The following TBC1D20 variants were observed in gnomAD, a reference collection of about 807,000 sequenced individuals.
TBC1D20 encodes the protein TBC1 domain family member 20, also known as chromosome 20 open reading frame 140.
A neutral mutation model predicts 41.6 loss-of-function variants in TBC1D20; 12 were observed. The ratio of observed to expected loss-of-function variants is 0.29; its 90% confidence interval spans 0.18 to 0.47. The LOEUF is 0.47. Among genes scored for constraint, TBC1D20 ranks in the 20% least tolerant of loss-of-function variants. The pLI, the probability that TBC1D20 is intolerant of heterozygous loss-of-function variation, is 1.00. For synonymous variants in TBC1D20, 205 were observed against 204.8 expected, an observed-to-expected ratio of 1.00 and a Z score of -0.01; for missense variants, 421 against 517.4, an observed-to-expected ratio of 0.81 and a Z score of 1.81.
intron 1 of TBC1D20, 82 bp downstream of exon 1, chr20:462,254 T>G: frequency 2.0e-6 from 2 of 999,956 alleles, no homozygotes; most frequent in Non-Finnish European, 2.5e-6. Flanking sequence ...CCCGCGCCCC[T>G]CCGGCGCCGC....
chr20:438,998 C>G, intron 7 of TBC1D20, 110 bp downstream of exon 7: 6 of 1,479,720 alleles, frequency 4.1e-6, no homozygotes, highest in Non-Finnish European at 5.5e-6. Flanking sequence ...CTGGCCTAAG[C>G]TCAGATCTCT....
intron 2 of TBC1D20, among the ~76,000 whole-genome samples, chr20:445,559 T>C (rs774059892): frequency 3.3e-5 from 5 of 152,164 alleles, no homozygotes; most frequent in Non-Finnish European, 7.3e-5. Flanking sequence ...TATAAAGTTG[T>C]GGGAGCACTA....
chr20:449,464 A>G (rs528302232), intron 1 of TBC1D20, among the ~76,000 whole-genome samples: 67 of 149,930 alleles, frequency 4.5e-4, no homozygotes, highest in Middle Eastern at 3.4e-3. Flanking sequence ...GCGTGGTGGC[A>G]TGCACCTGTA....
At chr20:461,033 A>G (rs2017620366) in intron 1 of TBC1D20, among the ~76,000 whole-genome samples, 1 of 152,218 alleles carries the variant, frequency 6.6e-6, no homozygotes, top group African/African-American at 2.4e-5. Flanking sequence ...ACATAAGAAA[A>G]AGGGAAAAAC....
chr20:457,456 A>C (rs1353999597), intron 1 of TBC1D20, among the ~76,000 whole-genome samples: 1 of 152,130 alleles, frequency 6.6e-6, no homozygotes, highest in Non-Finnish European at 1.5e-5. Context: ...TCCTGGGCTC[A>C]AGCAATCCTC....
intron 1 of TBC1D20, among the ~76,000 whole-genome samples, chr20:462,012 G>C (rs1361951025): frequency 6.6e-6 from 1 of 152,208 alleles, no homozygotes; most frequent in Admixed American, 6.5e-5. Context: ...GGGTGGGCCT[G>C]GCCTCCGCGC....
chr20:436,521 T>C lies in TBC1D20; in HGVS notation c.*2065A>G, dbSNP rs2017120917. The C allele has an allele frequency of 6.5e-6, 1 of 153,636 alleles. No individual in the cohort carries two copies. Among genetic ancestry groups the C allele is most frequent in the Non-Finnish European group, 1.5e-5 (1 of 68,050 alleles). The allele number at this position is 153,636 out of a possible 1,614,324, so 9.5% of individuals were successfully genotyped here. On this transcript the variant is annotated 3_prime_UTR_variant, in exon 8 of 8. Transcript: ENST00000354200. ...CTGAAAAGCTGTGGCCTTGGGACCC[T>C]GGTCACATGCACCTCCTTTCCTCAA...
At chr20:454,533 A>T (rs2122419019) in intron 1 of TBC1D20, among the ~76,000 whole-genome samples, 1 of 152,300 alleles carries the variant, frequency 6.6e-6, no homozygotes, top group South Asian at 2.1e-4. Context: ...GGCAGATTTT[A>T]GAAATAACTA....
At chr20:446,909 G>A (rs2017341981) in intron 2 of TBC1D20, among the ~76,000 whole-genome samples, 1 of 151,008 alleles carries the variant, frequency 6.6e-6, no homozygotes, top group Non-Finnish European at 1.5e-5. Flanking sequence ...TGGAATTACA[G>A]GTGTGAGTCA....
At chr20:445,401 G>A (rs1159255569) in intron 2 of TBC1D20, among the ~76,000 whole-genome samples, 1 of 152,192 alleles carries the variant, frequency 6.6e-6, no homozygotes, top group Non-Finnish European at 1.5e-5. Flanking sequence ...GACGTAAGGA[G>A]GCCAGGCGCC....
At position 435,494 on chromosome 20, in the gene TBC1D20, T is replaced by A; in HGVS notation, c.*3092A>T. ...CTCAGGGAAACTTATGTTTACCAGTTTATTACAAACATTATTAGAAAAGGA... is the reference window on the plus strand; with the variant it reads ...CTCAGGGAAACTTATGTTTACCAGTATATTACAAACATTATTAGAAAAGGA... On this transcript the variant is annotated 3_prime_UTR_variant, in exon 8 of 8. Transcript: ENST00000354200. The A allele has an allele frequency of 6.5e-6, 1 of 153,768 alleles. No homozygotes were observed. The allele number at this position is 153,768 out of a possible 1,614,324, so 9.5% of individuals were successfully genotyped here.
intron 1 of TBC1D20, among the ~76,000 whole-genome samples, chr20:452,671 T>C (rs910619389): frequency 6.6e-6 from 1 of 152,112 alleles, no homozygotes; most frequent in African/African-American, 2.4e-5. Context: ...TTAAACTATG[T>C]AGTATATATT....
At chr20:443,369 C>T (rs866060407) in intron 3 of TBC1D20, among the ~76,000 whole-genome samples, 1 of 152,120 alleles carries the variant, frequency 6.6e-6, no homozygotes, top group African/African-American at 2.4e-5. Flanking sequence ...ACTGCTGGAG[C>T]TAGTGCTGCC....
chr20:458,416 T>G (rs901609103), intron 1 of TBC1D20, among the ~76,000 whole-genome samples: 1 of 151,692 alleles, frequency 6.6e-6, no homozygotes, highest in African/African-American at 2.4e-5. Flanking sequence ...TGGGCTCAAG[T>G]GATCCTCCTG....
chr20:452,104 C>T lies in TBC1D20; in HGVS notation c.71-4030G>A, dbSNP rs146115724. On this transcript the variant is annotated intron_variant, in intron 1 of 7. Coordinates refer to ENST00000354200, the MANE Select transcript of TBC1D20 (RefSeq NM_144628.4). Reference sequence around the variant, plus strand: ...CAGGCAGATCACGAGGTCAGGTGTTCGAGACCAGCCTGACCAACATGAGGA... The same window carrying T: ...CAGGCAGATCACGAGGTCAGGTGTTTGAGACCAGCCTGACCAACATGAGGA... Among the ~76,000 whole-genome samples the T allele has an allele frequency of 5.0e-3, 756 of 151,880 alleles. 2 individuals are homozygous for T. Among genetic ancestry groups the T allele is most frequent in the Non-Finnish European group, 7.0e-3 (476 of 67,956 alleles).
intron 1 of TBC1D20, 121 bp downstream of exon 1, chr20:462,215 G>A: frequency 3.9e-6 from 2 of 511,714 alleles, no homozygotes; most frequent in Non-Finnish European, 5.1e-6. Context: ...CTCGCCGCCC[G>A]GAACCCCGCA....
rs1157022060 is a variant in TBC1D20 at position 462,501 on chromosome 20, C to T, written c.-96G>A. On this transcript the variant is annotated 5_prime_UTR_variant, in exon 1 of 8. Transcript: ENST00000354200. ...GCGGGACGTAGCACCCGCTCGGCATCGGCAGGCTCCCCTCCGTCGGCCAGC... is the reference window on the plus strand; with the variant it reads ...GCGGGACGTAGCACCCGCTCGGCATTGGCAGGCTCCCCTCCGTCGGCCAGC... The T allele has an allele frequency of 2.9e-6, 2 of 688,414 alleles. No homozygotes were observed. The highest frequency in any genetic ancestry group is 3.8e-6 in the Non-Finnish European group (2 of 523,814). The allele number at this position is 688,414 out of a possible 1,614,324, so 42.6% of individuals were successfully genotyped here.
rs1467874482 is a variant in TBC1D20, at chr20:439,186, C to A, written c.878G>T (p.Ser293Ile). 1 of 1,614,210 alleles carries A rather than the reference C, an allele frequency of 6.2e-7. No homozygotes were observed. Among genetic ancestry groups the A allele is most frequent in the African/African-American group, 1.3e-5 (1 of 75,058 alleles). Residue 293 changes from serine to isoleucine, a missense_variant, in exon 7 of 8, where the codon AGC becomes ATC. This residue lies in a region of TBC1D20 where 161 missense variants were observed against 182.7 expected (regional missense o/e 0.88). Coordinates refer to ENST00000354200, the MANE Select transcript of TBC1D20 (RefSeq NM_144628.4). This position sits in a 1 kb window ranked among gnomAD's most constrained non-coding sequence, Gnocchi z 4.6. ...PQDLPYETLI[S>I]RAGDLFVQFP... ...CTGAACAAAAAGGTCTCCTGCTCTG[C>A]TGATCAGTGTCTCATAGGGCAAGTC...
Position 438,704 on chromosome 20 carries a change from T to C in TBC1D20, c.1094A>G (p.Asn365Ser), listed in dbSNP as rs2017165638. ...CATCACTGCCAATTTCACAAAGCGG[T>C]TGGTCCTTGGCTTGGTCAGGACATC... ...TKDVLTKPRTNRFVKLAVMGL... is the reference protein window; with the variant it reads ...TKDVLTKPRTSRFVKLAVMGL... Residue 365 changes from asparagine (N) to serine (S), a missense_variant, in exon 8 of 8, where the codon AAC becomes AGC. Asn to Ser is a conservative substitution (Grantham distance 46). This residue lies in a region of TBC1D20 where 161 missense variants were observed against 182.7 expected (regional missense o/e 0.88). Transcript: ENST00000354200. 2 of 1,614,198 alleles carry C rather than the reference T, an allele frequency of 1.2e-6. No homozygotes were observed. Among genetic ancestry groups the C allele is most frequent in the African/African-American group, 1.3e-5 (1 of 75,036 alleles).
Sources: gnomAD v4.1 joint callset for allele counts (sites outside exome capture counted in the v4.1 genomes callset) on GRCh38, gnomAD v4.1.1 for gene constraint, gnomAD v4.1.1 regional missense constraint, Gnocchi (gnomAD v3.1) non-coding constraint, MANE v1.5 for transcripts, NCBI Gene and HGNC (gene_info 2026-07-23, HGNC 2026-07-21) for gene names.